Variants in GAREM1 observed in about 807,000 individuals in gnomAD.
GAREM1 encodes GRB2 associated regulator of MAPK1 subtype 1.
In GAREM1, 26 loss-of-function variants were observed where a neutral mutation model predicts 71.3. The ratio of observed to expected loss-of-function variants is 0.36; its 90% confidence interval spans 0.27 to 0.51. The LOEUF is 0.51. GAREM1 is among the 20% of genes least tolerant of loss of function. GAREM1 has a pLI of 0.95. For missense variants in GAREM1, 1,026 were observed against 1,103.1 expected (o/e 0.93, Z 0.99); for synonymous variants, 440 against 433.2 (o/e 1.02, Z -0.20).
At chr18:32,275,573 G>C (rs527935745) in intron 4 of GAREM1, among the ~76,000 whole-genome samples, 4 of 152,300 alleles carry the variant, frequency 2.6e-5, no homozygotes, top group Admixed American at 1.3e-4. Context: ...GCGGATACAC[G>C]GAGTACCCAA....
intron 2 of GAREM1, 145 bp from the exon 3 acceptor site, chr18:32,310,468 G>T: frequency 1.5e-6 from 1 of 674,338 alleles, no homozygotes; most frequent in Non-Finnish European, 2.4e-6. Context: ...AGGCATTATG[G>T]GAGGTTCCAT....
rs1165592881 is a variant in GAREM1, at chr18:32,424,417, A to T, written c.122-31382T>A. Among the ~76,000 whole-genome samples the T allele has an allele frequency of 4.6e-5, 7 of 152,350 alleles. No homozygotes were observed. The South Asian group carries it at 1.5e-3, about 32-fold the overall frequency. ...AAGGAAACCATAGTTACTTATGATG[A>T]TAAAGTAAGATAAGATATTAGGATA... is the stretch of plus-strand genomic sequence containing the variant. On this transcript the variant is annotated intron_variant, in intron 1 of 5. Transcript: ENST00000269209.
At chr18:32,402,417 A>G (rs1023123339) in intron 1 of GAREM1, among the ~76,000 whole-genome samples, 1 of 152,188 alleles carries the variant, frequency 6.6e-6, no homozygotes, top group Non-Finnish European at 1.5e-5. Flanking sequence ...GTCTGCTTAA[A>G]AAAAAGGATT....
chr18:32,299,243 G>A (rs913136580), intron 3 of GAREM1, among the ~76,000 whole-genome samples: 13 of 152,050 alleles, frequency 8.5e-5, no homozygotes, highest in Non-Finnish European at 1.2e-4. Context: ...AGCCAGGAGC[G>A]GTGGCTCATG....
chr18:32,462,489 T>C (rs1247455330), intron 1 of GAREM1, among the ~76,000 whole-genome samples: 1 of 152,200 alleles, frequency 6.6e-6, no homozygotes, highest in African/African-American at 2.4e-5. Context: ...TGGAGTTGAG[T>C]TCCCTATACT....
chr18:32,364,016 A>ATG (rs1470728742), intron 2 of GAREM1, among the ~76,000 whole-genome samples: 2 of 49,138 alleles, frequency 4.1e-5, no homozygotes, highest in Non-Finnish European at 7.1e-5. Flanking sequence ...ATATATATAT[A>ATG]TATATATATA....
intron 2 of GAREM1, among the ~76,000 whole-genome samples, chr18:32,323,927 A>C (rs1043722743): frequency 1.4e-4 from 21 of 152,194 alleles, no homozygotes; most frequent in Non-Finnish European, 2.5e-4. Context: ...TATAAAGGAA[A>C]GAGAAAAATG....
At chr18:32,317,422 A>G (rs2047389859) in intron 2 of GAREM1, among the ~76,000 whole-genome samples, 1 of 151,616 alleles carries the variant, frequency 6.6e-6, no homozygotes, top group African/African-American at 2.4e-5. Context: ...AGCAAAGCAA[A>G]GAAAAGAAAG....
chr18:32,297,459 T>C (rs1598939875), intron 3 of GAREM1, among the ~76,000 whole-genome samples: 1 of 152,248 alleles, frequency 6.6e-6, no homozygotes, highest in East Asian at 1.9e-4. Context: ...TTACTATTAC[T>C]TTTATTAACA....
intron 1 of GAREM1, among the ~76,000 whole-genome samples, chr18:32,468,962 C>A (rs1392032845): frequency 3.7e-4 from 5 of 13,690 alleles, no homozygotes; most frequent in Non-Finnish European, 9.4e-4. Flanking sequence ...CCTGTGCGTC[C>A]CCCCCCCCCG....
At chr18:32,433,692 A>G (rs2048646570) in intron 1 of GAREM1, among the ~76,000 whole-genome samples, 1 of 152,132 alleles carries the variant, frequency 6.6e-6, no homozygotes, top group Non-Finnish European at 1.5e-5. Flanking sequence ...AAATTTTAAA[A>G]TATAATACCA....
chr18:32,285,042 C>A (rs1251200555), intron 4 of GAREM1, among the ~76,000 whole-genome samples: 1 of 151,992 alleles, frequency 6.6e-6, no homozygotes, highest in Non-Finnish European at 1.5e-5. Context: ...AGCCACTGCG[C>A]CTGGCCCGCC....
intron 1 of GAREM1, among the ~76,000 whole-genome samples, chr18:32,417,555 C>A (rs2048477041): frequency 6.6e-6 from 1 of 152,084 alleles, no homozygotes; most frequent in Admixed American, 6.6e-5. Flanking sequence ...AGAATGAGAT[C>A]CTGTCATCTA....
intron 1 of GAREM1, among the ~76,000 whole-genome samples, chr18:32,442,741 A>G (rs1021098515): frequency 7.2e-5 from 11 of 152,166 alleles, no homozygotes; most frequent in Non-Finnish European, 1.6e-4. Flanking sequence ...CATTGTGCAG[A>G]TAAGAGGCTG....
chr18:32,369,314 T>G (rs1200894267), intron 2 of GAREM1, among the ~76,000 whole-genome samples: 1 of 152,202 alleles, frequency 6.6e-6, no homozygotes, highest in Non-Finnish European at 1.5e-5. Context: ...CAGAGATAGT[T>G]AGGAATTAGT....
At chr18:32,434,011 A>T (rs1035230296) in intron 1 of GAREM1, among the ~76,000 whole-genome samples, 2 of 152,200 alleles carry the variant, frequency 1.3e-5, no homozygotes, top group Non-Finnish European at 2.9e-5. Flanking sequence ...AAATTGGAAG[A>T]TTCACACTAT....
chr18:32,266,042 G>A lies in GAREM1; in HGVS notation c.*1829C>T, dbSNP rs188213344. The A allele has an allele frequency of 6.6e-6, 1 of 152,078 alleles. No individual in the cohort carries two copies. Among genetic ancestry groups the A allele is most frequent in the East Asian group, 1.9e-4 (1 of 5,190 alleles). The allele number at this position is 152,078 out of a possible 1,614,324, so 9.4% of individuals were successfully genotyped here. On this transcript the variant is annotated 3_prime_UTR_variant, in exon 6 of 6. Coordinates refer to ENST00000269209, the MANE Select transcript of GAREM1 (RefSeq NM_001242409.2). ...TTGAGTTATCTGTGACTTTTGAAGA[G>A]GTGCTCCAGTGTGAGAATTTTACAG...
At chr18:32,412,183 C>T (rs1462697717) in intron 1 of GAREM1, 4 of 1,466,348 alleles carry the variant, frequency 2.7e-6, no homozygotes, top group Admixed American at 1.7e-5. Context: ...ACTTCTCTGG[C>T]TCTCCTCTCC....
At chr18:32,289,576 T>A (rs541107896) in intron 3 of GAREM1, among the ~76,000 whole-genome samples, 5 of 152,336 alleles carry the variant, frequency 3.3e-5, no homozygotes, top group African/African-American at 9.6e-5. Flanking sequence ...TTGTTTTTTT[T>A]AAAATGTAGT....
Sources: allele counts gnomAD v4.1 joint callset (sites outside exome capture counted in the v4.1 genomes callset), GRCh38; gene constraint gnomAD v4.1.1; transcripts MANE v1.5; gene names NCBI Gene and HGNC (gene_info 2026-07-23, HGNC 2026-07-21).